CELF2: variants seen among roughly 807,000 people sequenced by gnomAD.
CELF2 encodes CUGBP Elav-like family member 2.
CELF2 carries 8 observed loss-of-function variants against 62.6 expected under a neutral mutation model. That is an observed-to-expected ratio of 0.13 (90% CI 0.07 to 0.23). The LOEUF is 0.23. Among genes scored for constraint, CELF2 ranks in the 10% least tolerant of loss-of-function variants. CELF2 has a pLI of 1.00. For synonymous variants in CELF2, 258 were observed against 250.0 expected, an observed-to-expected ratio of 1.03 and a Z score of -0.30; for missense variants, 333 against 671.0, an observed-to-expected ratio of 0.50 and a Z score of 5.56.
At chr10:10,877,563 A>T (rs1008842698) in intron 1 of CELF2, among the ~76,000 whole-genome samples, 1 of 152,250 alleles carries the variant, frequency 6.6e-6, no homozygotes, top group Admixed American at 6.5e-5. Flanking sequence ...ATAGAATGAA[A>T]GGCAGTTTTG....
the CELF2 span, among the ~76,000 whole-genome samples, chr10:10,673,034 A>AT: frequency 1.1e-3 from 160 of 150,460 alleles, no homozygotes; most frequent in Non-Finnish European, 1.4e-3. Flanking sequence ...ATTCCTAAGC[A>AT]TTTTTTTTTG....
At chr10:10,542,084 G>A in the CELF2 span, among the ~76,000 whole-genome samples, 83 of 152,326 alleles carry the variant, frequency 5.4e-4, 1 homozygote, top group Admixed American at 2.5e-3. Flanking sequence ...CAGGTCAACC[G>A]AGATGGTAAT....
chr10:11,182,135 G>A (rs536444856), intron 2 of CELF2, among the ~76,000 whole-genome samples: 7 of 152,336 alleles, frequency 4.6e-5, no homozygotes, highest in African/African-American at 1.7e-4. Context: ...AGCCCTCTGA[G>A]CAGCGTGCTC....
At chr10:10,666,419 C>T in the CELF2 span, among the ~76,000 whole-genome samples, 1 of 152,178 alleles carries the variant, frequency 6.6e-6, no homozygotes, top group Non-Finnish European at 1.5e-5. Context: ...TCAAGCACTT[C>T]ACACCATTTC....
chr10:10,472,782 AT>A, the CELF2 span, among the ~76,000 whole-genome samples: 1 of 151,968 alleles, frequency 6.6e-6, no homozygotes, highest in Non-Finnish European at 1.5e-5. Context: ...GCAGCTACTA[AT>A]ATATCTGTTC....
chr10:11,271,943 G>C (rs1370429469), intron 7 of CELF2, among the ~76,000 whole-genome samples: 1 of 152,180 alleles, frequency 6.6e-6, no homozygotes, highest in African/African-American at 2.4e-5. Flanking sequence ...ACGTTACCCA[G>C]AATCAACCAG....
At chr10:10,485,260 C>T in the CELF2 span, among the ~76,000 whole-genome samples, 5 of 152,206 alleles carry the variant, frequency 3.3e-5, no homozygotes, top group South Asian at 2.1e-4. Context: ...GCCAAGGACC[C>T]GCAATTAGAA....
chr10:10,508,254 C>G, the CELF2 span, among the ~76,000 whole-genome samples: 1 of 152,086 alleles, frequency 6.6e-6, no homozygotes, highest in Non-Finnish European at 1.5e-5. Flanking sequence ...CACGGTAGTA[C>G]CATGCTGTCT....
At chr10:10,941,909 G>A (rs1592204343) in intron 2 of CELF2, among the ~76,000 whole-genome samples, 2 of 149,030 alleles carry the variant, frequency 1.3e-5, no homozygotes, top group South Asian at 4.2e-4. Flanking sequence ...CAGAAGAATT[G>A]ATTGAACCTA....
chr10:11,143,678 G>A lies in CELF2; in HGVS notation c.75-21808G>A, dbSNP rs138775175. 4.7e-3 allele frequency among the ~76,000 whole-genome samples: 711 copies of A among 152,250 alleles called. 4 individuals are homozygous for A. The highest frequency in any genetic ancestry group is 0.016 in the African/African-American group (678 of 41,562). On this transcript the variant is annotated intron_variant, in intron 1 of 12. Transcript: ENST00000633077. ...TTTAACGTGCCCTGCAATATTTTATGCTTATTTCGCTATTTCAAAATGGCT... is the reference window on the plus strand; with the variant it reads ...TTTAACGTGCCCTGCAATATTTTATACTTATTTCGCTATTTCAAAATGGCT...
the CELF2 span, among the ~76,000 whole-genome samples, chr10:10,546,167 AT>A: frequency 1.3e-5 from 2 of 152,234 alleles, no homozygotes; most frequent in Non-Finnish European, 2.9e-5. Context: ...GAGGTTACAT[AT>A]CCCTCAGTTA....
chr10:10,737,031 C>CTTT, the CELF2 span, among the ~76,000 whole-genome samples: 442 of 152,222 alleles, frequency 2.9e-3, 2 homozygotes, highest in Middle Eastern at 3.4e-3. Flanking sequence ...TCTCAGCAGA[C>CTTT]CCTATGACGG....
chr10:10,633,575 G>C, the CELF2 span, among the ~76,000 whole-genome samples: 6 of 151,806 alleles, frequency 4.0e-5, no homozygotes, highest in Non-Finnish European at 8.8e-5. Context: ...GTTTGTCATC[G>C]ACTTTTTTAT....
chr10:10,616,878 A>T, the CELF2 span, among the ~76,000 whole-genome samples: 2 of 151,524 alleles, frequency 1.3e-5, no homozygotes, highest in African/African-American at 4.9e-5. Context: ...ATGCACCATT[A>T]CGCATGTAGC....
At chr10:10,468,939 C>T in the CELF2 span, among the ~76,000 whole-genome samples, 2 of 151,816 alleles carry the variant, frequency 1.3e-5, no homozygotes, top group Non-Finnish European at 2.9e-5. Context: ...CATCTTGTAT[C>T]CTTTGTATGC....
chr10:10,683,169 C>G, the CELF2 span, among the ~76,000 whole-genome samples: 2 of 152,182 alleles, frequency 1.3e-5, no homozygotes, highest in Admixed American at 1.3e-4. Flanking sequence ...AAGACATGAA[C>G]AGCGTAAAGG....
At chr10:10,734,469 C>A in the CELF2 span, among the ~76,000 whole-genome samples, 2 of 152,206 alleles carry the variant, frequency 1.3e-5, no homozygotes, top group South Asian at 4.1e-4. Flanking sequence ...ACTCCTGCCC[C>A]CACATCCTCT....
At chr10:10,859,161 T>A (rs796911285) in intron 1 of CELF2, among the ~76,000 whole-genome samples, 9 of 152,294 alleles carry the variant, frequency 5.9e-5, no homozygotes, top group African/African-American at 2.2e-4. Flanking sequence ...TTTTGGCTAA[T>A]GATGTAATTG....
chr10:10,730,806 T>C, the CELF2 span, among the ~76,000 whole-genome samples: 156 of 152,322 alleles, frequency 1.0e-3, 1 homozygote, highest in Admixed American at 5.9e-3. Context: ...GCCAGCTCAC[T>C]GCTAGTGGGA....
Sources: allele counts gnomAD v4.1 joint callset (sites outside exome capture counted in the v4.1 genomes callset), GRCh38; gene constraint gnomAD v4.1.1; transcripts MANE v1.5; gene names NCBI Gene and HGNC (gene_info 2026-07-23, HGNC 2026-07-21).